The following MYH8 variants were observed in gnomAD, a reference collection of about 807,000 sequenced individuals.
The protein encoded by MYH8 is myosin heavy chain 8, also known as myosin-8.
MYH8 carries 168 observed loss-of-function variants against 233.2 expected under a neutral mutation model. The ratio of observed to expected loss-of-function variants is 0.72; its 90% CI spans 0.64 to 0.82. MYH8 has a LOEUF of 0.82. MYH8 is among the 40% of genes least tolerant of loss of function. MYH8 has a pLI of 0.00. For missense variants in MYH8, 1,995 were observed against 2,327.8 expected, an observed-to-expected ratio of 0.86 and a Z score of 2.94; for synonymous variants, 785 against 850.6, an observed-to-expected ratio of 0.92 and a Z score of 1.34.
intron 17 of MYH8, 95 bp from the exon 18 acceptor site, chr17:10,407,074 C>T: frequency 1.1e-6 from 1 of 909,796 alleles, no homozygotes; most frequent in African/African-American, 1.6e-5. Flanking sequence ...CCTTTAACTA[C>T]TAGGCATGCA....
At chr17:10,420,284 A>G in intron 2 of MYH8, 27 bp from the exon 3 acceptor site, 1 of 1,577,510 alleles carries the variant, frequency 6.3e-7, no homozygotes, top group Non-Finnish European at 8.7e-7. Context: ...CGGGAGAGAG[A>G]GATATAAAAA....
intron 21 of MYH8, among the ~76,000 whole-genome samples, chr17:10,405,491 T>C (rs1044998732): frequency 1.3e-5 from 2 of 152,164 alleles, no homozygotes. Context: ...CAGGAACACT[T>C]CCAGTGCAGG....
Position 10,403,390 on chromosome 17 carries a change from G to C in MYH8, c.2688+940C>G, listed in dbSNP as rs142751348. ...CCTGGGGAATATTTTTTAACTCCCA[G>C]TGTTTGTTTTGTTCTTGAGTTTAAA... On this transcript the variant is annotated intron_variant, in intron 22 of 39. Transcript: ENST00000403437. 8.4e-4 allele frequency among the ~76,000 whole-genome samples: 128 copies of C among 152,214 alleles called. 2 individuals are homozygous for C. Among genetic ancestry groups the C allele is most frequent in the African/African-American group, 2.9e-3 (119 of 41,540 alleles).
intron 17 of MYH8, among the ~76,000 whole-genome samples, chr17:10,408,018 G>A (rs1470811730): frequency 6.7e-6 from 1 of 148,752 alleles, no homozygotes; most frequent in Non-Finnish European, 1.5e-5. Flanking sequence ...TCGGTCCACT[G>A]CAACCTCTAC....
At chr17:10,393,283 G>A in intron 35 of MYH8, 73 bp from the exon 36 acceptor site, 2 of 1,583,256 alleles carry the variant, frequency 1.3e-6, no homozygotes, top group East Asian at 4.5e-5. Flanking sequence ...TGTCTTACTT[G>A]TTGGTTCGTG....
chr17:10,417,263 G>T lies in MYH8; in HGVS notation c.511+1382C>A, dbSNP rs2072297416. Among the ~76,000 whole-genome samples, 1 of 152,112 alleles carries T rather than the reference G, an allele frequency of 6.6e-6. No homozygotes were observed. The highest frequency in any genetic ancestry group is 1.5e-5 in the Non-Finnish European group (1 of 68,018). ...ATAGTGTTAGATTATAGATTTTAGA[G>T]AATTCTAAAACCTAAAAATCTATTC... On this transcript the variant is annotated intron_variant, in intron 5 of 39. Coordinates refer to ENST00000403437, the MANE Select transcript of MYH8 (RefSeq NM_002472.3). This position sits in a 1 kb window ranked among gnomAD's most constrained non-coding sequence, Gnocchi z 4.1.
rs1397382775 is a variant in MYH8, at chr17:10,415,250, G to A, written c.741+42C>T. The A allele has an allele frequency of 3.9e-5, 62 of 1,601,454 alleles. No homozygotes were observed. In the East Asian group the frequency reaches 8.5e-4, roughly 22 times the overall value. ...ATGCAAATGAAATAATAATTCAGAC[G>A]TGGCTACTCTGGAAGTTAGGGGTTG... On this transcript the variant is annotated intron_variant, in intron 8 of 39. Coordinates refer to ENST00000403437, the MANE Select transcript of MYH8 (RefSeq NM_002472.3). The surrounding 1 kb of genome is among the most constrained non-coding windows in gnomAD (Gnocchi z 4.1).
At chr17:10,421,185 C>G (rs946035327) in intron 2 of MYH8, among the ~76,000 whole-genome samples, 1 of 152,094 alleles carries the variant, frequency 6.6e-6, no homozygotes, top group Non-Finnish European at 1.5e-5. Flanking sequence ...GTATTTAACA[C>G]CCGGTGGATG....
In MYH8 at chr17:10,412,996, GT is replaced by G. The variant is rs537238339; in HGVS notation, c.1148-269del. Among the ~76,000 whole-genome samples the G allele has an allele frequency of 7.2e-5, 11 of 152,294 alleles. No homozygotes were observed. The South Asian group carries it at 2.3e-3, about 32-fold the overall frequency. ...ATGTAGTATTTATTGCCGTCTTGCAGTTTTTTGTAAGTAAAAGCCATAGTCC... is the reference window on the plus strand; with the variant it reads ...ATGTAGTATTTATTGCCGTCTTGCAGTTTTTGTAAGTAAAAGCCATAGTCC... On this transcript the variant is annotated intron_variant, in intron 12 of 39. Transcript: ENST00000403437.
chr17:10,401,690 T>A lies in MYH8; in HGVS notation c.2784A>T (p.Arg928Ser). ...CATTGATCTCTTCCTCCTCCTCAGC[T>A]CTTTCAGTCACCTCTTTGATTTTGG... is the stretch of plus-strand genomic sequence containing the variant. The part of the protein sequence containing the change: ...LEAKIKEVTE[R>S]AEEEEEINAE... Residue 928 changes from arginine (R) to serine (S), a missense_variant, in exon 23 of 40, where the codon AGA (arginine) becomes AGT (serine). Physicochemically the swap from Arg to Ser is moderately radical, Grantham distance 110 (BLOSUM62 -1). This residue lies in a region of MYH8 where 1,498 missense variants were observed against 1,680.9 expected (regional missense o/e 0.89). Transcript: ENST00000403437. 1 of 1,614,196 alleles carries A rather than the reference T, an allele frequency of 6.2e-7. No individual in the cohort carries two copies. Among genetic ancestry groups the A allele is most frequent in the Non-Finnish European group, 8.5e-7 (1 of 1,180,032 alleles).
Position 10,415,557 on chromosome 17 carries a change from G to A in MYH8, c.563C>T (p.Thr188Ile). ...LITGESGAGK[T>I]VNTKRVIQYF... ...TTGGATGACACGCTTGGTGTTCACA[G>A]TCTTTCCGGCACCAGATTCTCCGCT... The change falls in exon 7 of 40, where the codon ACT (threonine) becomes ATT (isoleucine). Residue 188 changes from threonine (T) to isoleucine (I), a missense_variant. Thr to Ile is a moderately conservative substitution (Grantham distance 89, BLOSUM62 -1). Transcript: ENST00000403437. This position sits in a 1 kb window ranked among gnomAD's most constrained non-coding sequence, Gnocchi z 4.1. 1 of 1,614,170 alleles carries A rather than the reference G, an allele frequency of 6.2e-7. No homozygotes were observed. Among genetic ancestry groups the A allele is most frequent in the Non-Finnish European group, 8.5e-7 (1 of 1,180,016 alleles).
Position 10,401,673 on chromosome 17 carries a change from T to C in MYH8, c.2801A>G (p.Glu934Gly). ...CTTGGCTGTCAGCTCAGCATTGATC[T>C]CTTCCTCCTCCTCAGCTCTTTCAGT... ...EVTERAEEEE[E>G]INAELTAKKR... The change falls in exon 23 of 40, where the codon GAG becomes GGG. Residue 934 changes from glutamate to glycine, a missense_variant. Glu to Gly is a moderately conservative substitution (Grantham distance 98). Around this residue, in one of 3 missense-constraint regions of MYH8, gnomAD observed 1,498 missense variants for 1,680.9 expected, o/e 0.89. Transcript: ENST00000403437. 6.8e-6 allele frequency: 11 copies of C among 1,614,188 alleles called. No individual in the cohort carries two copies. Among genetic ancestry groups the C allele is most frequent in the Non-Finnish European group, 9.3e-6 (11 of 1,180,036 alleles).
In MYH8 at chr17:10,396,819, T is replaced by C; in HGVS notation, c.4346A>G (p.Gln1449Arg). 1.2e-6 allele frequency: 2 copies of C among 1,614,222 alleles called. No individual in the cohort carries two copies. Among genetic ancestry groups the C allele is most frequent in the Middle Eastern group, 1.6e-4 (1 of 6,062 alleles). The change falls in exon 31 of 40, where the codon CAA becomes CGA. Residue 1449 changes from glutamine to arginine, a missense_variant. By Grantham distance (43) the Gln-to-Arg change is conservative. Coordinates refer to ENST00000403437, the MANE Select transcript of MYH8 (RefSeq NM_002472.3). This position sits in a 1 kb window ranked among gnomAD's most constrained non-coding sequence, Gnocchi z 4.2. ...NAACAALDKK[Q>R]RNFDKVLSEW... ...CTGGGCCACCTTGTCAAAGTTCCTT[T>C]GCTTCTTATCAAGGGCTGCACAGGC...
chr17:10,412,795 T>G, intron 12 of MYH8, 67 bp from the exon 13 acceptor site: 1 of 1,319,146 alleles, frequency 7.6e-7, no homozygotes, highest in Non-Finnish European at 1.1e-6. Context: ...ATCTTTCCAT[T>G]TTTCTCCAAT....
rs1190687052 is a variant in MYH8 at position 10,395,298 on chromosome 17, T to C, written c.4797A>G (p.Thr1599=). ...LKRNHTRVVE[T]MQSTLDAEIR... Reference sequence around the variant, plus strand: ...TCTCTGCATCCAGCGTGCTCTGCATTGTCTCCACGACTCTAGTGTGGTTTC... The same window carrying C: ...TCTCTGCATCCAGCGTGCTCTGCATCGTCTCCACGACTCTAGTGTGGTTTC... Residue 1599 remains threonine (T), a synonymous_variant, in exon 34 of 40, where the codon ACA becomes ACG. Coordinates refer to ENST00000403437, the MANE Select transcript of MYH8 (RefSeq NM_002472.3). The C allele has an allele frequency of 5.6e-6, 9 of 1,614,208 alleles. No individual in the cohort carries two copies. The highest frequency in any genetic ancestry group is 1.1e-5 in the South Asian group (1 of 91,084).
rs773730003 is a variant in MYH8, at chr17:10,415,028, G to A, written c.805+88C>T. The A allele has an allele frequency of 1.6e-6, 2 of 1,240,102 alleles. No homozygotes were observed. The highest frequency in any genetic ancestry group is 2.3e-5 in the East Asian group (1 of 43,106). The allele number at this position is 1,240,102 out of a possible 1,614,324, so 76.8% of individuals were successfully genotyped here. A position where few individuals can be genotyped will look rare whatever the true frequency, so the allele number is the denominator to read the frequency against. ...TGGCAGCAGACTACCCTTTTAACAG[G>A]CTTCATGCACAGCAAGGGTGGCAAA... On this transcript the variant is annotated intron_variant, in intron 9 of 39. Coordinates refer to ENST00000403437, the MANE Select transcript of MYH8 (RefSeq NM_002472.3). The surrounding 1 kb of genome is among the most constrained non-coding windows in gnomAD (Gnocchi z 4.1).
chr17:10,398,415 G>A lies in MYH8; in HGVS notation c.4178+29C>T. The A allele has an allele frequency of 3.1e-6, 5 of 1,613,906 alleles. No homozygotes were observed. In the South Asian group the frequency reaches 4.4e-5, roughly 14 times the overall value. Reference sequence around the variant, plus strand: ...ATAAATATCACAGCTGCTTCTGGGAGTTCCTCTTCTAGAGTTCACAGCACA... The same window carrying A: ...ATAAATATCACAGCTGCTTCTGGGAATTCCTCTTCTAGAGTTCACAGCACA... On this transcript the variant is annotated intron_variant, in intron 30 of 39. Transcript: ENST00000403437.
At chr17:10,410,668 T>G in intron 15 of MYH8, 109 bp downstream of exon 15, 1 of 1,549,028 alleles carries the variant, frequency 6.5e-7, no homozygotes, top group Non-Finnish European at 8.9e-7. Context: ...AATTTTCCAG[T>G]TTGTTCAGAT....
chr17:10,410,462 A>C (rs2072234404), intron 15 of MYH8, among the ~76,000 whole-genome samples: 1 of 152,218 alleles, frequency 6.6e-6, no homozygotes, highest in Admixed American at 6.5e-5. Flanking sequence ...ATCATGGATC[A>C]TAATGGAGAT....
Sources: allele counts gnomAD v4.1 joint callset (sites outside exome capture counted in the v4.1 genomes callset), GRCh38; gene constraint gnomAD v4.1.1; regional missense constraint gnomAD v4.1.1; non-coding constraint Gnocchi (gnomAD v3.1); transcripts MANE v1.5; gene names NCBI Gene and HGNC (gene_info 2026-07-23, HGNC 2026-07-21).